SYNE2: variants seen among roughly 807,000 people sequenced by gnomAD.
SYNE2 encodes nesprin-2.
In SYNE2, 431 loss-of-function variants were observed where a neutral mutation model predicts 856.3. The observed-to-expected ratio is 0.50, with a 90% CI of 0.47 to 0.55. SYNE2 has a LOEUF of 0.55. Among genes scored for constraint, SYNE2 ranks in the 20% least tolerant of loss-of-function variants. SYNE2 has a pLI of 0.00. For missense variants in SYNE2, 8,129 were observed against 8,023.2 expected (o/e 1.01, Z -0.50); for synonymous variants, 2,923 against 2,872.3 (o/e 1.02, Z -0.56).
chr14:63,995,692 TGTCA>T (rs1439459260), intron 23 of SYNE2, among the ~76,000 whole-genome samples: 2 of 152,300 alleles, frequency 1.3e-5, no homozygotes, highest in East Asian at 3.9e-4. Flanking sequence ...GCTCTCCCAC[TGTCA>T]GTCTCTCTTG....
intron 45 of SYNE2, among the ~76,000 whole-genome samples, chr14:64,034,310 G>A (rs1191578631): frequency 6.6e-6 from 1 of 152,162 alleles, no homozygotes; most frequent in Non-Finnish European, 1.5e-5. Flanking sequence ...CTGCTAGAAT[G>A]TGAGGATATA....
At position 63,886,054 on chromosome 14, in the gene SYNE2, T is replaced by G. The variant is rs116958025; in HGVS notation, c.-51-23044T>G. Among the ~76,000 whole-genome samples the G allele has an allele frequency of 3.0e-4, 45 of 152,342 alleles. 1 individual carries two copies. The East Asian group carries it at 4.4e-3, about 15-fold the overall frequency. Reference sequence around the variant, plus strand: ...TCTTGTTGTTTTATAGTAGAATGATTGAGCCCTACCCCACCTGTGTTGTGC... The same window carrying G: ...TCTTGTTGTTTTATAGTAGAATGATGGAGCCCTACCCCACCTGTGTTGTGC... On this transcript the variant is annotated intron_variant, in intron 1 of 115. Coordinates refer to ENST00000555002, the MANE Select transcript of SYNE2 (RefSeq NM_182914.3).
At chr14:63,775,258 A>G (rs756659540) in intron 1 of SYNE2, among the ~76,000 whole-genome samples, 14 of 151,936 alleles carry the variant, frequency 9.2e-5, no homozygotes, top group Non-Finnish European at 1.8e-4. Flanking sequence ...TACAGACATG[A>G]GCCACCACTC....
Position 64,209,102 on chromosome 14 carries a change from A to G in SYNE2, c.18389+157A>G. The G allele has an allele frequency of 2.9e-6, 3 of 1,051,632 alleles. No individual in the cohort carries two copies. The South Asian group carries it at 4.2e-5, about 15-fold the overall frequency. The allele number at this position is 1,051,632 out of a possible 1,614,324, so 65.1% of individuals were successfully genotyped here. A position where few individuals can be genotyped will look rare whatever the true frequency, so the allele number is the denominator to read the frequency against. ...ACGCTTATCAAAGGATTTATTCAAG[A>G]AAAATGTAACCGGAGTAATGTCTCT... On this transcript the variant is annotated intron_variant, in intron 101 of 115. Coordinates refer to ENST00000555002, the MANE Select transcript of SYNE2 (RefSeq NM_182914.3).
chr14:63,786,863 A>G (rs565883001), intron 1 of SYNE2, among the ~76,000 whole-genome samples: 59 of 152,250 alleles, frequency 3.9e-4, no homozygotes, highest in Middle Eastern at 3.4e-3. Flanking sequence ...TCCTGGGCTC[A>G]AGTGATCCTC....
At position 64,000,403 on chromosome 14, in the gene SYNE2, T is replaced by C. The variant is rs567405606; in HGVS notation, c.3481-159T>C. On this transcript the variant is annotated intron_variant, in intron 27 of 115. Coordinates refer to ENST00000555002, the MANE Select transcript of SYNE2 (RefSeq NM_182914.3). ...GTTAATGTCCTTGTTCCCTAAAGGA[T>C]AGTTCACTTGTAGGTGGTTGGAAAG... Among the ~76,000 whole-genome samples the C allele has an allele frequency of 5.9e-5, 9 of 152,350 alleles. No individual in the cohort carries two copies. In the South Asian group the frequency reaches 1.9e-3, roughly 32 times the overall value.
intron 31 of SYNE2, among the ~76,000 whole-genome samples, chr14:64,008,411 G>C (rs1052233861): frequency 6.6e-6 from 1 of 152,184 alleles, no homozygotes; most frequent in Non-Finnish European, 1.5e-5. Flanking sequence ...GCCCCTACCT[G>C]AATGGGAGAT....
intron 82 of SYNE2, 144 bp from the exon 83 acceptor site, chr14:64,143,628 T>C (rs1023008184): frequency 6.1e-6 from 5 of 813,602 alleles, no homozygotes; most frequent in African/African-American, 5.1e-5. Context: ...CTGGTGTAGG[T>C]TGGGGAGGGT....
chr14:63,996,072 C>T (rs891699814), intron 23 of SYNE2, among the ~76,000 whole-genome samples: 6 of 152,100 alleles, frequency 3.9e-5, no homozygotes, highest in African/African-American at 7.2e-5. Flanking sequence ...CAGTGTTTTT[C>T]GGAGAACTCA....
intron 84 of SYNE2, among the ~76,000 whole-genome samples, chr14:64,150,366 T>C (rs4553533): frequency 0.38 from 55,742 of 145,086 alleles, 10,819 homozygotes; most frequent in East Asian, 0.53. Context: ...ACTGTAGGCG[T>C]GTGCCACCAC....
chr14:64,027,588 C>T lies in SYNE2; in HGVS notation c.6509C>T (p.Ala2170Val), dbSNP rs1349203973. The T allele has an allele frequency of 1.2e-6, 2 of 1,613,932 alleles. No individual in the cohort carries two copies. The highest frequency in any genetic ancestry group is 1.7e-6 in the Non-Finnish European group (2 of 1,179,876). ...AAGAAGAAACAGGAAGCAGGCTTTG[C>T]TCTACAACATGGTCTGCAGGAGAAG... The part of the protein sequence containing the change: ...ELKKKQEAGF[A>V]LQHGLQEKKA... The change falls in exon 43 of 116, where the codon GCT becomes GTT. Residue 2170 changes from alanine (A) to valine (V), a missense_variant. By Grantham distance (64) the Ala-to-Val change is moderately conservative. Around this residue, in one of 3 missense-constraint regions of SYNE2, gnomAD observed 297 missense variants for 380.9 expected, o/e 0.78. Transcript: ENST00000555002.
At chr14:64,049,299 A>T (rs1466557397) in intron 46 of SYNE2, 5 of 156,004 alleles carry the variant, frequency 3.2e-5, no homozygotes, top group Admixed American at 2.6e-4. Context: ...AAAATAAAAA[A>T]AATTATCTGG....
In SYNE2 at chr14:64,052,755, T is replaced by C. The variant is rs1274158681; in HGVS notation, c.8842T>C (p.Phe2948Leu). The change falls in exon 48 of 116, where the codon TTC (phenylalanine) becomes CTC (leucine). Residue 2948 changes from phenylalanine to leucine, a missense_variant. Phe to Leu is a conservative substitution (Grantham distance 22). Coordinates refer to ENST00000555002, the MANE Select transcript of SYNE2 (RefSeq NM_182914.3). ...ACACAAGATAAAGTTTTGCAGACAA[T>C]TCCATGAAAAAACATCAGCGCTTCA... Reference protein sequence around the residue: ...VEHKIKFCRQFHEKTSALQEE... With the variant: ...VEHKIKFCRQLHEKTSALQEE... 4 of 1,612,242 alleles carry C rather than the reference T, an allele frequency of 2.5e-6. No homozygotes were observed. Among genetic ancestry groups the C allele is most frequent in the Admixed American group, 3.4e-5 (2 of 59,698 alleles).
intron 21 of SYNE2, among the ~76,000 whole-genome samples, chr14:63,993,507 C>G (rs1171667814): frequency 6.6e-6 from 1 of 152,142 alleles, no homozygotes; most frequent in African/African-American, 2.4e-5. Flanking sequence ...GCTCATTAAC[C>G]CTGTACAGTG....
chr14:63,800,212 TATA>T (rs1318151486), intron 1 of SYNE2, among the ~76,000 whole-genome samples: 4 of 152,092 alleles, frequency 2.6e-5, no homozygotes, highest in Non-Finnish European at 5.9e-5. Context: ...TTACAGAAAG[TATA>T]ATAATAGGTT....
intron 97 of SYNE2, among the ~76,000 whole-genome samples, chr14:64,187,665 A>C (rs1802064711): frequency 6.6e-6 from 1 of 152,208 alleles, no homozygotes. Flanking sequence ...AGGTTTCTTT[A>C]TACACAGCAG....
intron 7 of SYNE2, among the ~76,000 whole-genome samples, chr14:63,953,527 TAGATAGAGAGAGAGAG>T (rs1382418145): frequency 4.5e-5 from 3 of 67,384 alleles, no homozygotes; most frequent in Non-Finnish European, 9.9e-5. Context: ...GATAAATAGA[TAGATAGAGAGAGAGAG>T]AGATAGATAG....
chr14:63,767,263 G>A (rs1384066024), intron 1 of SYNE2, among the ~76,000 whole-genome samples: 2 of 151,558 alleles, frequency 1.3e-5, no homozygotes, highest in East Asian at 1.9e-4. Flanking sequence ...CAGCCAACAC[G>A]CCCAGTTAAT....
At chr14:64,084,828 T>G in intron 57 of SYNE2, 2 of 624,120 alleles carry the variant, frequency 3.2e-6, no homozygotes, top group East Asian at 2.7e-5. Flanking sequence ...AGGTCTCTCA[T>G]GAGAATGCGG....
Sources: allele counts gnomAD v4.1 joint callset (sites outside exome capture counted in the v4.1 genomes callset), GRCh38; gene constraint gnomAD v4.1.1; regional missense constraint gnomAD v4.1.1; transcripts MANE v1.5; gene names NCBI Gene and HGNC (gene_info 2026-07-23, HGNC 2026-07-21).